Variants in PKD2 observed in about 807,000 individuals in gnomAD.
The protein encoded by PKD2 is polycystin-2.
A neutral mutation model predicts 105.9 loss-of-function variants in PKD2; 48 were observed. The observed-to-expected ratio is 0.45, with a 90% confidence interval of 0.36 to 0.58. The LOEUF is 0.58. PKD2 is among the 20% of genes least tolerant of loss of function. PKD2 has a pLI of 0.00. For missense variants in PKD2, 1,078 were observed against 1,255.3 expected (o/e 0.86, Z 2.13); for synonymous variants, 464 against 481.1 (o/e 0.96, Z 0.46).
At chr4:88,026,820 C>A (rs1726975123) in intron 2 of PKD2, among the ~76,000 whole-genome samples, 1 of 152,238 alleles carries the variant, frequency 6.6e-6, no homozygotes, top group Admixed American at 6.5e-5. Context: ...CCAGCCACTC[C>A]AGCTCCAGCT....
At position 88,056,194 on chromosome 4, in the gene PKD2, C is replaced by G; in HGVS notation, c.1825C>G (p.Leu609Val). 6.2e-7 allele frequency: 1 copy of G among 1,613,470 alleles called. No homozygotes were observed. The highest frequency in any genetic ancestry group is 2.2e-5 in the East Asian group (1 of 44,864). ...GFAIMFFIIF[L>V]AYAQLAYLVF... ...TGCTATTATGTTCTTCATTATTTTC[C>G]TAGCGTATGCTCAGTTGGCATACCT... Residue 609 changes from leucine (L) to valine (V), a missense_variant, in exon 8 of 15, where the codon CTA becomes GTA. By Grantham distance (32) the Leu-to-Val change is conservative (BLOSUM62 1). Around this residue, in one of 2 missense-constraint regions of PKD2, gnomAD observed 868 missense variants for 1,067.3 expected, o/e 0.81. Transcript: ENST00000237596.
rs765487433 is a variant in PKD2 at position 88,052,098 on chromosome 4, A to T, written c.1656A>T (p.Ala552=). The T allele has an allele frequency of 6.2e-7, 1 of 1,608,174 alleles. No individual in the cohort carries two copies. Among genetic ancestry groups the T allele is most frequent in the South Asian group, 1.1e-5 (1 of 90,858 alleles). ...QNTFPNFEHL[A]YWQIQFNNIA... ...CTTTCCCCAACTTTGAGCATCTGGC[A>T]TATTGGCAGATACAGTTCAACAATA... is the stretch of plus-strand genomic sequence containing the variant. The change falls in exon 7 of 15, where the codon GCA becomes GCT. Residue 552 remains alanine, a synonymous_variant. Coordinates refer to ENST00000237596, the MANE Select transcript of PKD2 (RefSeq NM_000297.4).
rs78885971 is a variant in PKD2, at chr4:88,065,339, T to C, written c.2119-35T>C. 8,337 of 1,600,152 alleles carry C rather than the reference T, an allele frequency of 5.2e-3. 72 individuals carry two copies. The highest frequency in any genetic ancestry group is 0.01 in the South Asian group (910 of 90,668). On this transcript the variant is annotated intron_variant, in intron 10 of 14. Coordinates refer to ENST00000237596, the MANE Select transcript of PKD2 (RefSeq NM_000297.4). The stretch of plus-strand genomic sequence containing the variant: ...AAACAGATGCAAAAGGAGAATACAC[T>C]AAACCAAGTCTTTTATTTTTTCTCT...
chr4:88,047,730 G>A (rs1560614825), intron 6 of PKD2, among the ~76,000 whole-genome samples: 1 of 152,104 alleles, frequency 6.6e-6, no homozygotes, highest in South Asian at 2.1e-4. Context: ...ATGCACAGTG[G>A]CTCATACCTA....
rs775996570 is a variant in PKD2, at chr4:88,065,750, C to T, written c.2241-12C>T. ...GGAATGATTTTTATCTGTATCCTCTCTCTAATTTCAGGAAGGGCCATACTG... is the reference window on the plus strand; with the variant it reads ...GGAATGATTTTTATCTGTATCCTCTTTCTAATTTCAGGAAGGGCCATACTG... On this transcript the variant is annotated splice_polypyrimidine_tract_variant and intron_variant, in intron 11 of 14. Transcript: ENST00000237596. 3.4e-5 allele frequency: 53 copies of T among 1,561,578 alleles called. No homozygotes were observed. Among genetic ancestry groups the T allele is most frequent in the South Asian group, 3.3e-5 (3 of 90,058 alleles).
At chr4:88,017,110 G>A (rs556618765) in intron 1 of PKD2, among the ~76,000 whole-genome samples, 1 of 152,090 alleles carries the variant, frequency 6.6e-6, no homozygotes, top group Non-Finnish European at 1.5e-5. Flanking sequence ...GATCACTTGA[G>A]GCCGAGAATT....
chr4:88,033,344 A>G (rs1727226370), intron 2 of PKD2, among the ~76,000 whole-genome samples: 1 of 151,744 alleles, frequency 6.6e-6, no homozygotes. Flanking sequence ...GGAGGATCAC[A>G]TGAGCCCATG....
At chr4:88,009,100 G>T (rs557480933) in intron 1 of PKD2, among the ~76,000 whole-genome samples, 1 of 152,156 alleles carries the variant, frequency 6.6e-6, no homozygotes, top group Admixed American at 6.5e-5. Context: ...GCTGATAAAT[G>T]TGTCTGAGCC....
rs779703488 is a variant in PKD2, at chr4:88,046,820, C to G, written c.1498C>G (p.Leu500Val). 2 of 1,612,302 alleles carry G rather than the reference C, an allele frequency of 1.2e-6. No individual in the cohort carries two copies. Among genetic ancestry groups the G allele is most frequent in the Non-Finnish European group, 1.7e-6 (2 of 1,178,322 alleles). The change falls in exon 6 of 15, where the codon CTA becomes GTA. Residue 500 changes from leucine to valine, a missense_variant. Leu to Val is a conservative substitution (Grantham distance 32, BLOSUM62 1). Around this residue, in one of 2 missense-constraint regions of PKD2, gnomAD observed 868 missense variants for 1,067.3 expected, o/e 0.81. Coordinates refer to ENST00000237596, the MANE Select transcript of PKD2 (RefSeq NM_000297.4). ...GATATTGGAAATTCGCATTCACAAA[C>G]TACACTATTTCAGGAGTTTCTGGAA... ...EEILEIRIHK[L>V]HYFRSFWNCL... is the part of the protein sequence containing the mutation.
intron 2 of PKD2, among the ~76,000 whole-genome samples, chr4:88,023,791 G>T (rs1451668843): frequency 6.6e-6 from 1 of 152,198 alleles, no homozygotes; most frequent in African/African-American, 2.4e-5. Context: ...GCCAAAGATT[G>T]TTGAGAATGG....
intron 10 of PKD2, among the ~76,000 whole-genome samples, chr4:88,062,853 C>T (rs1159194637): frequency 6.6e-6 from 1 of 152,148 alleles, no homozygotes; most frequent in Admixed American, 6.5e-5. Flanking sequence ...TATCTTGATT[C>T]CGCATAACAG....
In PKD2 at chr4:88,074,906, G is replaced by A. The variant is rs1366992179; in HGVS notation, c.2617G>A (p.Ala873Thr). The A allele has an allele frequency of 6.2e-7, 1 of 1,614,062 alleles. No individual in the cohort carries two copies. Among genetic ancestry groups the A allele is most frequent in the Non-Finnish European group, 8.5e-7 (1 of 1,180,028 alleles). Residue 873 changes from alanine to threonine, a missense_variant, in exon 14 of 15, where the codon GCC becomes ACC. Transcript: ENST00000237596. ...CGTGAAGCTAGAGATTATGGAGCGA[G>A]CCAAACTGAAGAGGAGGGAGGTGCT... ...VIVKLEIMER[A>T]KLKRREVLGR...
intron 14 of PKD2, 101 bp from the exon 15 acceptor site, chr4:88,075,357 T>G: frequency 1.1e-6 from 1 of 912,472 alleles, no homozygotes; most frequent in East Asian, 2.4e-5. Flanking sequence ...TTATATGCTG[T>G]AAATCTCCAG....
chr4:88,075,753 T>C lies in PKD2; in HGVS notation c.*59T>C. 3 of 1,200,776 alleles carry C rather than the reference T, an allele frequency of 2.5e-6. No individual in the cohort carries two copies. In the South Asian group the frequency reaches 3.6e-5, roughly 15 times the overall value. The allele number at this position is 1,200,776 out of a possible 1,614,324, so 74.4% of individuals were successfully genotyped here. A position where few individuals can be genotyped will look rare whatever the true frequency, so the allele number is the denominator to read the frequency against. On this transcript the variant is annotated 3_prime_UTR_variant, in exon 15 of 15. Transcript: ENST00000237596. ...TGAGGAAGTGGCTGTCCTGAATTGC[T>C]GTAACAAGCACACTATTTATATGCC...
At chr4:88,038,617 A>C in intron 4 of PKD2, 116 bp downstream of exon 4, 1 of 1,051,756 alleles carries the variant, frequency 9.5e-7, no homozygotes, top group South Asian at 1.3e-5. Context: ...AAGTTCAGTG[A>C]CTCTTCAGTG....
At chr4:88,027,654 A>G (rs1372215604) in intron 2 of PKD2, among the ~76,000 whole-genome samples, 1 of 152,216 alleles carries the variant, frequency 6.6e-6, no homozygotes, top group African/African-American at 2.4e-5. Flanking sequence ...GGCCAGGGGT[A>G]GAATGATATG....
chr4:88,059,713 C>T (rs908485202), intron 9 of PKD2, among the ~76,000 whole-genome samples: 1 of 151,764 alleles, frequency 6.6e-6, no homozygotes, highest in African/African-American at 2.4e-5. Context: ...CTTGCACCTC[C>T]CAGAGATATA....
chr4:88,036,294 G>C lies in PKD2; in HGVS notation c.784G>C (p.Val262Leu). The C allele has an allele frequency of 6.2e-7, 1 of 1,613,976 alleles. No homozygotes were observed. The highest frequency in any genetic ancestry group is 1.1e-5 in the South Asian group (1 of 91,080). Residue 262 changes from valine to leucine, a missense_variant, in exon 3 of 15, where the codon GTG becomes CTG. Physicochemically the swap from Val to Leu is conservative, Grantham distance 32. Coordinates refer to ENST00000237596, the MANE Select transcript of PKD2 (RefSeq NM_000297.4). ...MMSQLFLDTP[V>L]SKTEKTNFKT... Reference sequence around the variant, plus strand: ...GTCACAGCTCTTCCTAGACACCCCCGTGTCCAAAACGGAGAAAACTAACTT... The same window carrying C: ...GTCACAGCTCTTCCTAGACACCCCCCTGTCCAAAACGGAGAAAACTAACTT...
intron 1 of PKD2, among the ~76,000 whole-genome samples, chr4:88,008,827 G>A (rs1290088833): frequency 2.0e-5 from 3 of 152,168 alleles, no homozygotes; most frequent in Non-Finnish European, 2.9e-5. Flanking sequence ...GTCAAGTTGT[G>A]GGAGGAGTGT....
Sources: allele counts gnomAD v4.1 joint callset (sites outside exome capture counted in the v4.1 genomes callset), GRCh38; gene constraint gnomAD v4.1.1; regional missense constraint gnomAD v4.1.1; transcripts MANE v1.5; gene names NCBI Gene and HGNC (gene_info 2026-07-23, HGNC 2026-07-21).